The following SEMA4D variants were observed in gnomAD, a reference collection of about 807,000 sequenced individuals.
SEMA4D encodes the protein semaphorin-4D.
SEMA4D carries 22 observed loss-of-function variants against 74.8 expected under a neutral mutation model. The observed-to-expected ratio is 0.29, with a 90% CI of 0.21 to 0.42. SEMA4D has a LOEUF of 0.42. Among genes scored for constraint, SEMA4D ranks in the 10% least tolerant of loss-of-function variants. The probability of loss-of-function intolerance (pLI) is 1.00; values close to 1 mark genes in which losing one functional copy is unlikely to be tolerated. For missense variants in SEMA4D, 937 were observed against 1,118.4 expected, an observed-to-expected ratio of 0.84 and a Z score of 2.31; for synonymous variants, 445 against 463.7, an observed-to-expected ratio of 0.96 and a Z score of 0.52.
intron 1 of SEMA4D, among the ~76,000 whole-genome samples, chr9:89,478,518 T>G (rs1045529872): frequency 6.6e-6 from 1 of 152,164 alleles, no homozygotes; most frequent in Non-Finnish European, 1.5e-5. Context: ...AACCACCCAG[T>G]GTGTGGTACT....
chr9:89,422,351 C>A (rs1042606814), intron 2 of SEMA4D, among the ~76,000 whole-genome samples: 1 of 152,242 alleles, frequency 6.6e-6, no homozygotes, highest in Admixed American at 6.5e-5. Flanking sequence ...GACCCCCAGC[C>A]CCTGCTTTCT....
chr9:89,381,304 G>A lies in SEMA4D; in HGVS notation c.1489C>T (p.Gln497Ter). Reference sequence around the variant, plus strand: ...TTCCCACAGAAGGCCAGCGGGGCCTGGACCACGCCCGAGTTAGAGCCAGCA... The same window carrying A: ...TTCCCACAGAAGGCCAGCGGGGCCTAGACCACGCCCGAGTTAGAGCCAGCA... ...VYAGSNSGVVQAPLAFCGKHG... is the reference protein window; with the variant it reads ...VYAGSNSGVV Residue 497 changes from glutamine (Q) to a stop codon, truncating the protein, a stop_gained, in exon 14 of 16, where the codon CAG (glutamine) becomes TAG (stop). Coordinates refer to ENST00000422704, the MANE Select transcript of SEMA4D (RefSeq NM_001371194.2). LOFTEE classifies it high-confidence loss of function. This position sits in a 1 kb window ranked among gnomAD's most constrained non-coding sequence, Gnocchi z 4.6. 6.5e-7 allele frequency: 1 copy of A among 1,548,230 alleles called. No individual in the cohort carries two copies. The highest frequency in any genetic ancestry group is 8.7e-7 in the Non-Finnish European group (1 of 1,143,982).
intron 1 of SEMA4D, among the ~76,000 whole-genome samples, chr9:89,470,297 T>C (rs1437640172): frequency 6.6e-6 from 1 of 152,064 alleles, no homozygotes; most frequent in East Asian, 1.9e-4. Flanking sequence ...ATCAAGAAAA[T>C]AAACAACTCA....
chr9:89,378,464 G>C lies in SEMA4D; in HGVS notation c.*240C>G. 2.0e-6 allele frequency: 1 copy of C among 499,004 alleles called. No homozygotes were observed. Among genetic ancestry groups the C allele is most frequent in the East Asian group, 3.4e-5 (1 of 29,218 alleles). The allele number at this position is 499,004 out of a possible 1,614,324, so 30.9% of individuals were successfully genotyped here. On this transcript the variant is annotated 3_prime_UTR_variant, in exon 16 of 16. Coordinates refer to ENST00000422704, the MANE Select transcript of SEMA4D (RefSeq NM_001371194.2). ...CCCGTGGGCCTTCTTCAAGTACTCC[G>C]ACTGACTTCGGAACACAAGACTGGG...
chr9:89,388,167 G>A (rs1016783761), intron 11 of SEMA4D, among the ~76,000 whole-genome samples: 1 of 152,174 alleles, frequency 6.6e-6, no homozygotes, highest in Non-Finnish European at 1.5e-5. Flanking sequence ...GACACCCCAT[G>A]TAGGTCACAG....
intron 2 of SEMA4D, among the ~76,000 whole-genome samples, chr9:89,417,734 A>G (rs905930070): frequency 6.6e-6 from 1 of 152,224 alleles, no homozygotes; most frequent in Non-Finnish European, 1.5e-5. Context: ...TTTCTGGTGC[A>G]GGCACCAGGG....
intron 1 of SEMA4D, among the ~76,000 whole-genome samples, chr9:89,480,311 G>A (rs1302361075): frequency 1.3e-5 from 2 of 152,244 alleles, no homozygotes; most frequent in East Asian, 3.8e-4. Flanking sequence ...TAGATATAAA[G>A]ACTCTCCACG....
Position 89,492,293 on chromosome 9 carries a change from G to A in SEMA4D, c.-310+5626C>T, listed in dbSNP as rs1825690130. On this transcript the variant is annotated intron_variant, in intron 1 of 15. Coordinates refer to ENST00000422704, the MANE Select transcript of SEMA4D (RefSeq NM_001371194.2). This position sits in a 1 kb window ranked among gnomAD's most constrained non-coding sequence, Gnocchi z 4.3. ...GCATGTGGCCTCCAGGATGCCCTCA[G>A]AACCCTCTGGTTATCCCCTACCTCG... Among the ~76,000 whole-genome samples, 1 of 152,082 alleles carries A rather than the reference G, an allele frequency of 6.6e-6. No homozygotes were observed. Among genetic ancestry groups the A allele is most frequent in the South Asian group, 2.1e-4 (1 of 4,826 alleles).
At chr9:89,488,352 CTTTTTTTT>C (rs1158168446) in intron 1 of SEMA4D, among the ~76,000 whole-genome samples, 2 of 62,592 alleles carry the variant, frequency 3.2e-5, no homozygotes, top group East Asian at 5.6e-4. Flanking sequence ...GATCACAGAT[CTTTTTTTT>C]TTTTTTTTTT....
intron 1 of SEMA4D, among the ~76,000 whole-genome samples, chr9:89,471,595 T>TCAGGTGCAC (rs1860259093): frequency 6.7e-6 from 1 of 150,312 alleles, no homozygotes; most frequent in African/African-American, 2.5e-5. Flanking sequence ...CTCAGATGCA[T>TCAGGTGCAC]GCCAGCTCAG....
At chr9:89,394,769 C>T (rs1225516151) in intron 6 of SEMA4D, among the ~76,000 whole-genome samples, 1 of 152,222 alleles carries the variant, frequency 6.6e-6, no homozygotes, top group Non-Finnish European at 1.5e-5. Context: ...AATGTGAACC[C>T]CACTGGATGT....
At chr9:89,481,305 G>A (rs986371109) in intron 1 of SEMA4D, among the ~76,000 whole-genome samples, 1 of 152,246 alleles carries the variant, frequency 6.6e-6, no homozygotes, top group Admixed American at 6.5e-5. Context: ...GGGCCCATCA[G>A]CAAGCAACAG....
At chr9:89,416,154 T>C (rs981049817) in intron 2 of SEMA4D, among the ~76,000 whole-genome samples, 1 of 152,216 alleles carries the variant, frequency 6.6e-6, no homozygotes, top group Non-Finnish European at 1.5e-5. Context: ...TGCTAGTTAG[T>C]GCTGGGAAGG....
chr9:89,364,021 AG>A (rs770320800), intron 16 of SEMA4D: 2 of 1,612,834 alleles, frequency 1.2e-6, no homozygotes, highest in Admixed American at 1.7e-5. Flanking sequence ...ATGAGGGTGC[AG>A]GGGGGTTACC....
rs1337418690 is a variant in SEMA4D at position 89,379,637 on chromosome 9, A to G, written c.1664-8T>C. ...AACTTCCTTTACTTTTATCTGGAAC[A>G]TCAAAATAAACGTGCACAGCGTCAA... On this transcript the variant is annotated splice_polypyrimidine_tract_variant and splice_region_variant and intron_variant, in intron 15 of 15. Coordinates refer to ENST00000422704, the MANE Select transcript of SEMA4D (RefSeq NM_001371194.2). 3 of 1,600,722 alleles carry G rather than the reference A, an allele frequency of 1.9e-6. No homozygotes were observed. In the African/African-American group the frequency reaches 4.0e-5, roughly 22 times the overall value.
intron 1 of SEMA4D, among the ~76,000 whole-genome samples, chr9:89,489,149 C>T (rs1588198751): frequency 6.6e-6 from 1 of 152,344 alleles, no homozygotes; most frequent in East Asian, 1.9e-4. Flanking sequence ...CCAACTGCAA[C>T]TCTCATGCGT....
chr9:89,497,018 T>C (rs996373631), intron 1 of SEMA4D, among the ~76,000 whole-genome samples: 4 of 152,206 alleles, frequency 2.6e-5, no homozygotes, highest in African/African-American at 7.2e-5. Flanking sequence ...CAACTTCATG[T>C]GGAAAACCTT....
intron 2 of SEMA4D, among the ~76,000 whole-genome samples, chr9:89,455,491 C>A (rs761869288): frequency 6.6e-6 from 1 of 152,180 alleles, no homozygotes. Context: ...AACTCCTAGG[C>A]GCACCAGTCC....
At chr9:89,490,146 G>A (rs983212643) in intron 1 of SEMA4D, among the ~76,000 whole-genome samples, 2 of 151,652 alleles carry the variant, frequency 1.3e-5, no homozygotes, top group South Asian at 2.1e-4. Context: ...TTTATTGGCC[G>A]TTTGTAAATC....
Sources: allele counts gnomAD v4.1 joint callset (sites outside exome capture counted in the v4.1 genomes callset), GRCh38; gene constraint gnomAD v4.1.1; non-coding constraint Gnocchi (gnomAD v3.1); transcripts MANE v1.5; gene names NCBI Gene and HGNC (gene_info 2026-07-23, HGNC 2026-07-21).